ZNF721: variants seen among roughly 807,000 people sequenced by gnomAD.
ZNF721 encodes the protein zinc finger protein 721.
ZNF721 carries 2 observed loss-of-function variants against 2.4 expected under a neutral mutation model. The ratio of observed to expected loss-of-function variants is 0.82; its 90% CI spans 0.34 to 2.58. ZNF721 has a LOEUF of 2.58. Ranked by LOEUF, ZNF721 falls within the 30% of genes most tolerant of loss-of-function variation. The pLI, the probability that ZNF721 is intolerant of heterozygous loss-of-function variation, is 0.11. For synonymous variants in ZNF721, 398 were observed against 381.8 expected, an observed-to-expected ratio of 1.04 and a Z score of -0.50; for missense variants, 1,187 against 1,085.5, an observed-to-expected ratio of 1.09 and a Z score of -1.31.
chr4:448,027 G>GA (rs1714532152), intron 2 of ZNF721, among the ~76,000 whole-genome samples: 1 of 152,006 alleles, frequency 6.6e-6, no homozygotes, highest in Non-Finnish European at 1.5e-5. Flanking sequence ...TATTCATAAG[G>GA]AAACAGGAGA....
At chr4:481,574 T>TC (rs1715769905) in intron 1 of ZNF721, among the ~76,000 whole-genome samples, 1 of 138,052 alleles carries the variant, frequency 7.2e-6, no homozygotes, top group African/African-American at 2.8e-5. Flanking sequence ...TTCTTTTCTT[T>TC]CTTTTTTTTT....
At chr4:488,873 C>T (rs78182978) in intron 1 of ZNF721, among the ~76,000 whole-genome samples, 27,390 of 151,716 alleles carry the variant, frequency 0.18, 3,085 homozygotes, top group Middle Eastern at 0.26. Flanking sequence ...GAAGAGGAAC[C>T]CCTGAGAGAG....
intron 1 of ZNF721, among the ~76,000 whole-genome samples, chr4:495,973 C>T (rs907634533): frequency 6.6e-6 from 1 of 152,116 alleles, no homozygotes; most frequent in Non-Finnish European, 1.5e-5. Context: ...ATATTTCGGC[C>T]GGACAGAATG....
chr4:488,106 T>C (rs189150330), intron 1 of ZNF721, among the ~76,000 whole-genome samples: 4 of 152,264 alleles, frequency 2.6e-5, no homozygotes, highest in Non-Finnish European at 4.4e-5. Context: ...CAGAAAACAT[T>C]ATAACCAGGT....
At chr4:474,111 T>G (rs782458507) in intron 1 of ZNF721, 3 of 1,198,140 alleles carry the variant, frequency 2.5e-6, no homozygotes, top group East Asian at 8.2e-5. Context: ...AGCAGGGAAG[T>G]GAGGCCCTAA....
chr4:456,054 A>ATTTATTTAT (rs1714838370), intron 2 of ZNF721, among the ~76,000 whole-genome samples: 2 of 148,470 alleles, frequency 1.3e-5, no homozygotes, highest in Admixed American at 6.7e-5. Flanking sequence ...AAAAATTTTT[A>ATTTATTTAT]TTTATTTATT....
intron 1 of ZNF721, among the ~76,000 whole-genome samples, chr4:491,346 A>T (rs1716014786): frequency 6.6e-6 from 1 of 152,166 alleles, no homozygotes; most frequent in South Asian, 2.1e-4. Flanking sequence ...TGAATCCAGG[A>T]GGCGGAGGTT....
At chr4:498,215 G>GAAAAAAA (rs797042296) in intron 1 of ZNF721, among the ~76,000 whole-genome samples, 169 of 83,902 alleles carry the variant, frequency 2.0e-3, no homozygotes, top group African/African-American at 2.3e-3. Flanking sequence ...AAAAGAAAAA[G>GAAAAAAA]AAAAAAAAAA....
chr4:460,579 C>T (rs1196459042), intron 2 of ZNF721, among the ~76,000 whole-genome samples: 1 of 148,044 alleles, frequency 6.8e-6, no homozygotes, highest in Non-Finnish European at 1.5e-5. Flanking sequence ...CAAGAAATAA[C>T]TAAGATCAGA....
Position 452,421 on chromosome 4 carries a change from T to C in ZNF721, c.35-7989A>G, listed in dbSNP as rs145054922. ...CCACTAAAAAGGAGGCCCAGAAATTTATTGGCTTGTTTGGATTGTGGAGAC... is the reference window on the plus strand; with the variant it reads ...CCACTAAAAAGGAGGCCCAGAAATTCATTGGCTTGTTTGGATTGTGGAGAC... On this transcript the variant is annotated intron_variant, in intron 2 of 2. Transcript: ENST00000511833. Among the ~76,000 whole-genome samples the C allele has an allele frequency of 1.4e-3, 220 of 152,328 alleles. 1 individual carries two copies. Among genetic ancestry groups the C allele is most frequent in the Admixed American group, 4.5e-3 (69 of 15,296 alleles).
At chr4:452,377 C>T (rs538184271) in intron 2 of ZNF721, among the ~76,000 whole-genome samples, 3 of 152,322 alleles carry the variant, frequency 2.0e-5, no homozygotes, top group South Asian at 2.1e-4. Flanking sequence ...GGCTAAAATA[C>T]TAGAATTTGC....
In ZNF721 at chr4:442,896, G is replaced by A. The variant is rs202047840; in HGVS notation, c.1571C>T (p.Thr524Ile). ...TTCACATGTGTAGGGTTTCTCTCCA[G>A]TATGAATTCTCCTATGTTTAGTAAG... ...TTLTKHRRIH[T>I]GEKPYTCEVC... The change falls in exon 3 of 3, where the codon ACT (threonine) becomes ATT (isoleucine). Residue 524 changes from threonine to isoleucine, a missense_variant. Thr to Ile is a moderately conservative substitution (Grantham distance 89). Coordinates refer to ENST00000511833, the MANE Select transcript of ZNF721 (RefSeq NM_133474.4). 158 of 1,613,852 alleles carry A rather than the reference G, an allele frequency of 9.8e-5. No homozygotes were observed. The highest frequency in any genetic ancestry group is 3.3e-4 in the Middle Eastern group (2 of 6,082).
chr4:447,322 A>AAAAT (rs869036157), intron 2 of ZNF721, among the ~76,000 whole-genome samples: 6 of 152,028 alleles, frequency 3.9e-5, no homozygotes, highest in South Asian at 2.1e-4. Context: ...ACTCCGTCTC[A>AAAAT]AAATAAATAA....
chr4:468,266 CA>C (rs782727813), intron 2 of ZNF721, among the ~76,000 whole-genome samples: 3,074 of 119,906 alleles, frequency 0.026, 78 homozygotes, highest in South Asian at 0.075. Flanking sequence ...GACTCCGACT[CA>C]AAAAAAAAAA....
chr4:482,440 C>T (rs1466707023), intron 1 of ZNF721, among the ~76,000 whole-genome samples: 5 of 152,088 alleles, frequency 3.3e-5, no homozygotes, highest in Non-Finnish European at 7.4e-5. Flanking sequence ...GCTGGGATTA[C>T]CAGCATGAGC....
chr4:495,539 T>C (rs544564379), intron 1 of ZNF721, among the ~76,000 whole-genome samples: 51 of 150,590 alleles, frequency 3.4e-4, no homozygotes, highest in African/African-American at 1.2e-3. Context: ...GAGTGTGAGA[T>C]CTCAGGTGCA....
At chr4:444,914 A>T (rs1553863975) in intron 2 of ZNF721, among the ~76,000 whole-genome samples, 1 of 152,166 alleles carries the variant, frequency 6.6e-6, no homozygotes, top group Non-Finnish European at 1.5e-5. Context: ...AAGACAAAAT[A>T]TAAATATTTC....
At chr4:462,057 G>C (rs1715088718) in intron 2 of ZNF721, among the ~76,000 whole-genome samples, 1 of 152,182 alleles carries the variant, frequency 6.6e-6, no homozygotes, top group South Asian at 2.1e-4. Flanking sequence ...AACTTCAGCA[G>C]TCTCAGGATA....
At position 482,617 on chromosome 4, in the gene ZNF721, C is replaced by T. The variant is rs763821408; in HGVS notation, c.-93-9916G>A. On this transcript the variant is annotated intron_variant, in intron 1 of 2. Coordinates refer to ENST00000511833, the MANE Select transcript of ZNF721 (RefSeq NM_133474.4). ...GTTCATATGATTCTCCTGCCTCAGC[C>T]TCCTGAGTGGCTGGGACTACAAGCG... Among the ~76,000 whole-genome samples, 485 of 152,128 alleles carry T rather than the reference C, an allele frequency of 3.2e-3. 9 individuals carry two copies. Among genetic ancestry groups the T allele is most frequent in the Non-Finnish European group, 7.4e-4 (50 of 68,012 alleles).
Sources: gnomAD v4.1 joint callset for allele counts (sites outside exome capture counted in the v4.1 genomes callset) on GRCh38, gnomAD v4.1.1 for gene constraint, MANE v1.5 for transcripts, NCBI Gene and HGNC (gene_info 2026-07-23, HGNC 2026-07-21) for gene names.